The following SH3RF3 variants were observed in gnomAD, a reference collection of about 807,000 sequenced individuals.
The protein encoded by SH3RF3 is E3 ubiquitin-protein ligase SH3RF3.
Under a neutral mutation model 66.3 loss-of-function variants are expected in SH3RF3, and 29 were observed. That is an observed-to-expected ratio of 0.44 (90% CI 0.33 to 0.60). The LOEUF is 0.60. Ranked by LOEUF, SH3RF3 falls within the 20% of genes least tolerant of loss-of-function variation. The probability of loss-of-function intolerance (pLI) is 0.04; values close to 1 mark genes in which losing one functional copy is unlikely to be tolerated. For synonymous variants in SH3RF3, 583 were observed against 532.0 expected, an observed-to-expected ratio of 1.10 and a Z score of -1.32; for missense variants, 1,194 against 1,190.9, an observed-to-expected ratio of 1.00 and a Z score of -0.04.
At chr2:109,354,580 T>C (rs1422259385) in intron 2 of SH3RF3, among the ~76,000 whole-genome samples, 1 of 152,266 alleles carries the variant, frequency 6.6e-6, no homozygotes, top group Non-Finnish European at 1.5e-5. Context: ...TTTTCAGTGA[T>C]CGTGGCATTT....
chr2:109,164,193 T>A (rs1677562012), intron 1 of SH3RF3, among the ~76,000 whole-genome samples: 1 of 152,150 alleles, frequency 6.6e-6, no homozygotes, highest in Non-Finnish European at 1.5e-5. Flanking sequence ...TTACTTTTTT[T>A]AAAGAGTTGG....
intron 2 of SH3RF3, among the ~76,000 whole-genome samples, chr2:109,364,227 T>C (rs1683112902): frequency 6.6e-6 from 1 of 151,926 alleles, no homozygotes; most frequent in African/African-American, 2.4e-5. Flanking sequence ...TGAGATATCC[T>C]CAAGCTCAGA....
Position 109,129,734 on chromosome 2 carries a change from A to C in SH3RF3, c.194A>C (p.Asp65Ala), listed in dbSNP as rs766639185. 6.5e-7 allele frequency: 1 copy of C among 1,538,886 alleles called. No homozygotes were observed. The highest frequency in any genetic ancestry group is 1.2e-5 in the South Asian group (1 of 83,244). ...TGCTCCGTGTGTCTGGAGCGCCTGG[A>C]CACCACGGCCAAGGTGCTGCCATGC... Reference protein sequence around the residue: ...LECSVCLERLDTTAKVLPCQH... With the variant: ...LECSVCLERLATTAKVLPCQH... Residue 65 changes from aspartate (D) to alanine (A), a missense_variant, in exon 1 of 10, where the codon GAC becomes GCC. By Grantham distance (126) the Asp-to-Ala change is moderately radical (BLOSUM62 -2). Coordinates refer to ENST00000309415, the MANE Select transcript of SH3RF3 (RefSeq NM_001099289.3).
At chr2:109,170,553 C>T (rs892601969) in intron 1 of SH3RF3, among the ~76,000 whole-genome samples, 3 of 151,972 alleles carry the variant, frequency 2.0e-5, no homozygotes, top group African/African-American at 7.3e-5. Context: ...ACTATGTTGG[C>T]CAGGATGGTC....
At chr2:109,360,237 A>G (rs943483690) in intron 2 of SH3RF3, among the ~76,000 whole-genome samples, 2 of 152,172 alleles carry the variant, frequency 1.3e-5, no homozygotes, top group Non-Finnish European at 1.5e-5. Flanking sequence ...TTTTCACTGT[A>G]TTAATAATAT....
At chr2:109,210,905 G>C (rs768903637) in intron 1 of SH3RF3, among the ~76,000 whole-genome samples, 1 of 152,216 alleles carries the variant, frequency 6.6e-6, no homozygotes, top group Non-Finnish European at 1.5e-5. Flanking sequence ...AACCCCACTT[G>C]ACACGTGGTG....
At chr2:109,280,867 G>A (rs371504308) in intron 1 of SH3RF3, among the ~76,000 whole-genome samples, 5 of 152,172 alleles carry the variant, frequency 3.3e-5, no homozygotes, top group East Asian at 1.9e-4. Flanking sequence ...ATTGCATACC[G>A]TGTCTAATAA....
At chr2:109,140,585 G>GT (rs1443736837) in intron 1 of SH3RF3, among the ~76,000 whole-genome samples, 9 of 152,188 alleles carry the variant, frequency 5.9e-5, no homozygotes, top group African/African-American at 2.2e-4. Context: ...GTTTCACCAT[G>GT]TTAACCAGGA....
intron 6 of SH3RF3, among the ~76,000 whole-genome samples, chr2:109,433,566 C>A (rs1573248054): frequency 1.3e-5 from 2 of 152,298 alleles, no homozygotes; most frequent in Admixed American, 1.3e-4. Context: ...CCTTGGGTTT[C>A]TCCTGTCTTT....
At chr2:109,168,846 G>A (rs1008324926) in intron 1 of SH3RF3, among the ~76,000 whole-genome samples, 2 of 152,204 alleles carry the variant, frequency 1.3e-5, no homozygotes, top group African/African-American at 4.8e-5. Flanking sequence ...CTCAGTGAGA[G>A]TTGTCTTTGG....
chr2:109,272,483 G>GC (rs1473406935), intron 1 of SH3RF3, among the ~76,000 whole-genome samples: 1 of 152,236 alleles, frequency 6.6e-6, no homozygotes, highest in African/African-American at 2.4e-5. Flanking sequence ...GACGCAGGGA[G>GC]CCCCCTTCGC....
chr2:109,162,022 C>T (rs1677502084), intron 1 of SH3RF3, among the ~76,000 whole-genome samples: 1 of 152,122 alleles, frequency 6.6e-6, no homozygotes, highest in Non-Finnish European at 1.5e-5. Flanking sequence ...CTCCTCCAGC[C>T]CCCTCCTTGG....
chr2:109,182,171 T>C (rs1178027306), intron 1 of SH3RF3, among the ~76,000 whole-genome samples: 2 of 152,188 alleles, frequency 1.3e-5, no homozygotes, highest in African/African-American at 4.8e-5. Flanking sequence ...GGATAACTTA[T>C]AAACAATAGA....
chr2:109,350,145 AGCCATCAG>A (rs1307358091), intron 2 of SH3RF3, among the ~76,000 whole-genome samples: 1 of 152,238 alleles, frequency 6.6e-6, no homozygotes, highest in African/African-American at 2.4e-5. Context: ...GTGAAATTAG[AGCCATCAG>A]GCTTAGACTC....
At chr2:109,222,572 C>G (rs1679280647) in intron 1 of SH3RF3, among the ~76,000 whole-genome samples, 1 of 152,178 alleles carries the variant, frequency 6.6e-6, no homozygotes, top group Non-Finnish European at 1.5e-5. Flanking sequence ...AGAGCAGGCC[C>G]TGGGCTTAGC....
At chr2:109,384,209 G>A (rs1675765740) in intron 3 of SH3RF3, among the ~76,000 whole-genome samples, 1 of 152,182 alleles carries the variant, frequency 6.6e-6, no homozygotes, top group Non-Finnish European at 1.5e-5. Flanking sequence ...GCCAGGCCCC[G>A]GGGATGCAGC....
chr2:109,484,014 C>T (rs1332686778), intron 8 of SH3RF3, among the ~76,000 whole-genome samples: 1 of 152,052 alleles, frequency 6.6e-6, no homozygotes, highest in Non-Finnish European at 1.5e-5. Context: ...CAGACAACCC[C>T]AGCCTCCTCA....
At chr2:109,278,919 C>G (rs1412611129) in intron 1 of SH3RF3, among the ~76,000 whole-genome samples, 1 of 152,124 alleles carries the variant, frequency 6.6e-6, no homozygotes, top group African/African-American at 2.4e-5. Flanking sequence ...GTAGTACACC[C>G]GAGGCTCCGT....
intron 4 of SH3RF3, among the ~76,000 whole-genome samples, chr2:109,409,785 A>G (rs1261250433): frequency 1.3e-5 from 2 of 151,886 alleles, no homozygotes; most frequent in African/African-American, 4.8e-5. Flanking sequence ...ATCAGCCATA[A>G]ATGTTTTATT....
Sources: allele counts gnomAD v4.1 joint callset (sites outside exome capture counted in the v4.1 genomes callset), GRCh38; gene constraint gnomAD v4.1.1; transcripts MANE v1.5; gene names NCBI Gene and HGNC (gene_info 2026-07-23, HGNC 2026-07-21).